ELOVL6: variants seen among roughly 807,000 people sequenced by gnomAD.
ELOVL6 encodes the protein very long chain fatty acid elongase 6.
Under a neutral mutation model 31.7 loss-of-function variants are expected in ELOVL6, and 8 were observed. The ratio of observed to expected loss-of-function variants is 0.25; its 90% CI spans 0.15 to 0.45. The LOEUF (loss-of-function observed/expected upper bound fraction) is 0.45. Ranked by LOEUF, ELOVL6 falls within the 20% of genes least tolerant of loss-of-function variation. The pLI is 1.00. For synonymous variants in ELOVL6, 101 were observed against 117.7 expected (o/e 0.86, Z 0.92); for missense variants, 126 against 326.4 (o/e 0.39, Z 4.73).
At position 110,066,922 on chromosome 4, in the gene ELOVL6, C is replaced by T. The variant is rs185900065; in HGVS notation, c.222-7168G>A. 1.4e-4 allele frequency among the ~76,000 whole-genome samples: 22 copies of T among 152,152 alleles called. No individual in the cohort carries two copies. In the East Asian group the frequency reaches 4.3e-3, roughly 30 times the overall value. On this transcript the variant is annotated intron_variant, in intron 2 of 3. Transcript: ENST00000302274. ...CTAATGCTCTCCCTCCCCATTGCCCCCCACCCCCTGCCAGGCCACAGTGTG... is the reference window on the plus strand; with the variant it reads ...CTAATGCTCTCCCTCCCCATTGCCCTCCACCCCCTGCCAGGCCACAGTGTG...
At chr4:110,083,137 A>G (rs1467048045) in intron 2 of ELOVL6, among the ~76,000 whole-genome samples, 1 of 151,858 alleles carries the variant, frequency 6.6e-6, no homozygotes, top group Admixed American at 6.5e-5. Context: ...CAAGTGATTA[A>G]GAAAAAGACA....
chr4:110,118,597 C>T (rs920556073), intron 1 of ELOVL6, among the ~76,000 whole-genome samples: 13 of 152,122 alleles, frequency 8.5e-5, no homozygotes, highest in Admixed American at 3.3e-4. Context: ...TTTTTTAATG[C>T]GAAATAAAAT....
At chr4:110,074,117 A>G (rs1045522720) in intron 2 of ELOVL6, among the ~76,000 whole-genome samples, 3 of 152,124 alleles carry the variant, frequency 2.0e-5, no homozygotes, top group African/African-American at 7.2e-5. Context: ...ATTCCTCAAT[A>G]TCAGGGAGAC....
chr4:110,051,463 A>C lies in ELOVL6; in HGVS notation c.673T>G (p.Cys225Gly). ...AAGATGTTCTGAAAGTGAGAGTGAC[A>C]CTGGTCATGCTGCATCCAGCAGAAG... ...LVFCWMQHDQ[C>G]HSHFQNIFWS... Residue 225 changes from cysteine to glycine, a missense_variant, in exon 4 of 4, where the codon TGT becomes GGT. Coordinates refer to ENST00000302274, the MANE Select transcript of ELOVL6 (RefSeq NM_024090.3). This position sits in a 1 kb window ranked among gnomAD's most constrained non-coding sequence, Gnocchi z 4.8. 1 of 1,614,220 alleles carries C rather than the reference A, an allele frequency of 6.2e-7. No individual in the cohort carries two copies. Among genetic ancestry groups the C allele is most frequent in the Non-Finnish European group, 8.5e-7 (1 of 1,180,036 alleles).
At chr4:110,112,318 T>C (rs115957279) in intron 1 of ELOVL6, among the ~76,000 whole-genome samples, 2,866 of 152,320 alleles carry the variant, frequency 0.019, 32 homozygotes, top group Middle Eastern at 0.038. Flanking sequence ...GGATCACCTT[T>C]AGGAATGAAT....
At chr4:110,145,744 T>C (rs1331299497) in intron 1 of ELOVL6, among the ~76,000 whole-genome samples, 2 of 150,946 alleles carry the variant, frequency 1.3e-5, no homozygotes, top group African/African-American at 4.9e-5. Flanking sequence ...ACAAAATATG[T>C]CACTCCTAGA....
At position 110,084,435 on chromosome 4, in the gene ELOVL6, T is replaced by TATATGATATATCACATATATCATATATC. The variant is rs1553956183; in HGVS notation, c.221+21061_221+21062insGATATATGATATATGTGATATATCATAT. ...CATACATGATATATCACATATATCATATATGATATATCGCATATATCATAT... is the reference window on the plus strand; with the variant it reads ...CATACATGATATATCACATATATCATATATGATATATCACATATATCATATATCATATGATATATCGCATATATCATAT... On this transcript the variant is annotated intron_variant, in intron 2 of 3. Transcript: ENST00000302274. Among the ~76,000 whole-genome samples, 149 of 99,196 alleles carry TATATGATATATCACATATATCATATATC rather than the reference T, an allele frequency of 1.5e-3. 16 individuals carry two copies. The East Asian group carries it at 0.027, about 18-fold the overall frequency. 65.1% of individuals were successfully genotyped at this position (99,196 alleles called of 152,430 possible). A position where few individuals can be genotyped will look rare whatever the true frequency, so the allele number is the denominator to read the frequency against.
chr4:110,155,616 C>T (rs1249914075), intron 1 of ELOVL6, among the ~76,000 whole-genome samples: 1 of 152,072 alleles, frequency 6.6e-6, no homozygotes, highest in Non-Finnish European at 1.5e-5. Context: ...CAGTAAGAGT[C>T]CCAAGTCGTC....
chr4:110,157,170 G>A (rs4146698), intron 1 of ELOVL6, among the ~76,000 whole-genome samples: 68,095 of 151,928 alleles, frequency 0.45, 16,454 homozygotes, highest in East Asian at 0.64. Flanking sequence ...CATTTTATTC[G>A]CCCCTAGTGT....
At chr4:110,089,322 T>C (rs927098134) in intron 2 of ELOVL6, among the ~76,000 whole-genome samples, 2 of 152,200 alleles carry the variant, frequency 1.3e-5, no homozygotes, top group African/African-American at 2.4e-5. Context: ...GGCCCACTTG[T>C]ACTCAAATTT....
chr4:110,119,468 T>A (rs1437613312), intron 1 of ELOVL6, among the ~76,000 whole-genome samples: 1 of 152,210 alleles, frequency 6.6e-6, no homozygotes, highest in East Asian at 1.9e-4. Context: ...CTAATTCTCC[T>A]CTAAGGATTG....
At chr4:110,096,829 T>C (rs1052760421) in intron 2 of ELOVL6, among the ~76,000 whole-genome samples, 1 of 152,162 alleles carries the variant, frequency 6.6e-6, no homozygotes, top group African/African-American at 2.4e-5. Flanking sequence ...AATAACAAAA[T>C]TGATATTAAT....
chr4:110,100,881 G>A (rs1756721844), intron 2 of ELOVL6, among the ~76,000 whole-genome samples: 1 of 152,068 alleles, frequency 6.6e-6, no homozygotes, highest in African/African-American at 2.4e-5. Flanking sequence ...CTATATTTTT[G>A]TCATTAGACA....
intron 1 of ELOVL6, 146 bp from the exon 2 acceptor site, chr4:110,105,774 C>T: frequency 1.5e-6 from 1 of 671,626 alleles, no homozygotes; most frequent in Non-Finnish European, 2.5e-6. Flanking sequence ...GTCTACACGG[C>T]AAACTAGTGT....
chr4:110,110,166 CA>C (rs1179492208), intron 1 of ELOVL6, among the ~76,000 whole-genome samples: 3 of 152,170 alleles, frequency 2.0e-5, no homozygotes, highest in East Asian at 3.9e-4. Context: ...TTTAGGGATA[CA>C]AATAAAGTAG....
intron 1 of ELOVL6, among the ~76,000 whole-genome samples, chr4:110,116,389 C>G (rs1329369158): frequency 3.3e-5 from 5 of 152,134 alleles, no homozygotes; most frequent in Non-Finnish European, 7.4e-5. Flanking sequence ...CCCCTCTACT[C>G]AAGAAAGCAT....
rs576831178 is a variant in ELOVL6, at chr4:110,055,246, A to C, written c.374-3484T>G. On this transcript the variant is annotated intron_variant, in intron 3 of 3. Coordinates refer to ENST00000302274, the MANE Select transcript of ELOVL6 (RefSeq NM_024090.3). ...TCATGAGCCAGAGTCATGCCAAGTC[A>C]TGGTAATTTCAGGCTTTCCAGAAGC... Among the ~76,000 whole-genome samples, 55 of 152,332 alleles carry C rather than the reference A, an allele frequency of 3.6e-4. 2 individuals are homozygous for C. In the South Asian group the frequency reaches 7.7e-3, roughly 21 times the overall value.
At chr4:110,119,901 G>T (rs1757293906) in intron 1 of ELOVL6, among the ~76,000 whole-genome samples, 1 of 152,164 alleles carries the variant, frequency 6.6e-6, no homozygotes, top group Non-Finnish European at 1.5e-5. Flanking sequence ...TGCATGTCAG[G>T]TGAATTGCTG....
intron 2 of ELOVL6, among the ~76,000 whole-genome samples, chr4:110,088,020 T>G (rs778014890): frequency 3.3e-5 from 5 of 152,178 alleles, no homozygotes; most frequent in African/African-American, 4.8e-5. Flanking sequence ...TGTTTTAAAT[T>G]GCAAATGTAT....
Sources: gnomAD v4.1 joint callset for allele counts (sites outside exome capture counted in the v4.1 genomes callset) on GRCh38, gnomAD v4.1.1 for gene constraint, Gnocchi (gnomAD v3.1) non-coding constraint, MANE v1.5 for transcripts, NCBI Gene and HGNC (gene_info 2026-07-23, HGNC 2026-07-21) for gene names.